SPATA6L: variants seen among roughly 807,000 people sequenced by gnomAD.
SPATA6L encodes the protein spermatogenesis associated 6-like protein.
SPATA6L carries 68 observed loss-of-function variants against 49.2 expected under a neutral mutation model. The ratio of observed to expected loss-of-function variants is 1.38; its 90% CI spans 1.14 to 1.69. The LOEUF (loss-of-function observed/expected upper bound fraction) is 1.69. Among genes scored for constraint, SPATA6L ranks in the 40% most tolerant of loss-of-function variants. The pLI, the probability that SPATA6L is intolerant of heterozygous loss-of-function variation, is 0.00. For synonymous variants in SPATA6L, 198 were observed against 165.7 expected (o/e 1.19, Z -1.50); for missense variants, 668 against 464.3 (o/e 1.44, Z -4.03).
At chr9:4,663,151 C>T in intron 1 of SPATA6L, 1 of 1,614,146 alleles carries the variant, frequency 6.2e-7, no homozygotes, top group Non-Finnish European at 8.5e-7. Flanking sequence ...CACAATGTCA[C>T]CGACGTAGCT....
chr9:4,634,862 G>A (rs1832454590), intron 4 of SPATA6L, among the ~76,000 whole-genome samples: 2 of 152,146 alleles, frequency 1.3e-5, no homozygotes, highest in Admixed American at 1.3e-4. Flanking sequence ...TTTGTTAAAT[G>A]GAGACCATAT....
rs553547149 is a variant in SPATA6L at position 4,605,308 on chromosome 9, T to C, written c.1089+39A>G. On this transcript the variant is annotated intron_variant, in intron 10 of 11. Transcript: ENST00000682582. ...ACTGTAGGTCCCTGTTCACATATTA[T>C]TTAGTGAGCAAAGATCTAGTTTTAT... The C allele has an allele frequency of 4.8e-6, 7 of 1,473,616 alleles. No homozygotes were observed. In the Admixed American group the frequency reaches 1.2e-4, roughly 25 times the overall value. 91.3% of individuals were successfully genotyped at this position (1,473,616 alleles called of 1,614,324 possible).
chr9:4,635,459 T>C (rs560851489), intron 3 of SPATA6L, 60 bp from the exon 4 acceptor site: 5 of 1,513,804 alleles, frequency 3.3e-6, no homozygotes, highest in South Asian at 2.7e-5. Context: ...CTTAACAAAA[T>C]AAAAGTTCAG....
At chr9:4,644,118 G>T (rs926233206) in intron 3 of SPATA6L, among the ~76,000 whole-genome samples, 9 of 140,358 alleles carry the variant, frequency 6.4e-5, no homozygotes, top group African/African-American at 2.3e-4. Flanking sequence ...TGGCCAAGGT[G>T]GGAGAATCAC....
In SPATA6L at chr9:4,599,670, T is replaced by G. The variant is rs1043574483; in HGVS notation, c.*1141A>C. ...TGGGTCAGAGATGGCGCCTTCTCGC[T>G]GTCTCCTCGCCAGTGGAAGGGGCAA... On this transcript the variant is annotated 3_prime_UTR_variant, in exon 12 of 12. Transcript: ENST00000682582. 6.6e-6 allele frequency among the ~76,000 whole-genome samples: 1 copy of G among 152,240 alleles called. No homozygotes were observed. Among genetic ancestry groups the G allele is most frequent in the Admixed American group, 6.5e-5 (1 of 15,286 alleles).
chr9:4,624,977 A>T (rs1441521740), intron 6 of SPATA6L, among the ~76,000 whole-genome samples: 2 of 152,182 alleles, frequency 1.3e-5, no homozygotes, highest in Admixed American at 1.3e-4. Flanking sequence ...ATTGATATAG[A>T]GTGTGTGCCA....
At chr9:4,609,107 ATC>A (rs1460203238) in intron 9 of SPATA6L, among the ~76,000 whole-genome samples, 3 of 151,432 alleles carry the variant, frequency 2.0e-5, no homozygotes, top group Admixed American at 2.0e-4. Flanking sequence ...AAGAAGTTGA[ATC>A]TCTGAATAGA....
At chr9:4,642,502 C>G (rs907150084) in intron 3 of SPATA6L, among the ~76,000 whole-genome samples, 1 of 152,156 alleles carries the variant, frequency 6.6e-6, no homozygotes, top group African/African-American at 2.4e-5. Flanking sequence ...CTGTCTCCAG[C>G]GGCAGCCTTT....
In SPATA6L at chr9:4,661,943, A is replaced by G. The variant is rs756083304; in HGVS notation, c.133T>C (p.Ser45Pro). ...TCCTGAATCATAATGGGGAACGCAG[A>G]GGGAAAGCTGTTGGTCTCCAGGTAC... Reference protein sequence around the residue: ...NQYLETNSFPSAFPIMIQESM... With the variant: ...NQYLETNSFPPAFPIMIQESM... Residue 45 changes from serine to proline, a missense_variant, in exon 2 of 12, where the codon TCT becomes CCT. Transcript: ENST00000682582. 15 of 1,613,936 alleles carry G rather than the reference A, an allele frequency of 9.3e-6. No individual in the cohort carries two copies. In the African/African-American group the frequency reaches 2.0e-4, roughly 22 times the overall value.
chr9:4,643,004 T>A (rs934718504), intron 3 of SPATA6L, among the ~76,000 whole-genome samples: 4 of 152,144 alleles, frequency 2.6e-5, no homozygotes, highest in African/African-American at 9.7e-5. Flanking sequence ...GGATAAAATA[T>A]ATTTTTATCT....
chr9:4,603,460 T>C (rs1260333208), intron 11 of SPATA6L, among the ~76,000 whole-genome samples: 2 of 152,158 alleles, frequency 1.3e-5, no homozygotes, highest in African/African-American at 4.8e-5. Flanking sequence ...CCCTCTTTAC[T>C]GAGCAGCAAC....
intron 2 of SPATA6L, among the ~76,000 whole-genome samples, chr9:4,661,145 T>C (rs192160630): frequency 6.6e-6 from 1 of 152,146 alleles, no homozygotes; most frequent in African/African-American, 2.4e-5. Context: ...ATAATTTTTT[T>C]AAAAAAATGT....
chr9:4,650,823 C>CTT (rs1376572460), intron 3 of SPATA6L, among the ~76,000 whole-genome samples: 4 of 131,388 alleles, frequency 3.0e-5, no homozygotes, highest in Non-Finnish European at 3.2e-5. Context: ...CCAAACCCAG[C>CTT]TTGTGTGTGT....
chr9:4,603,617 G>A (rs530480652), intron 11 of SPATA6L, among the ~76,000 whole-genome samples: 2 of 152,210 alleles, frequency 1.3e-5, no homozygotes, highest in East Asian at 3.9e-4. Context: ...ATAAAGCAGT[G>A]AACAACAGAG....
At chr9:4,649,720 C>T (rs753099450) in intron 3 of SPATA6L, among the ~76,000 whole-genome samples, 16 of 152,266 alleles carry the variant, frequency 1.1e-4, no homozygotes, top group Middle Eastern at 6.8e-3. Flanking sequence ...AATGGCATCA[C>T]GTAATTCATA....
chr9:4,632,219 T>C (rs913018892), intron 4 of SPATA6L, among the ~76,000 whole-genome samples: 5 of 151,444 alleles, frequency 3.3e-5, no homozygotes, highest in Non-Finnish European at 5.9e-5. Context: ...GAGGTTTCAC[T>C]GTGCTGGCCA....
At chr9:4,649,951 A>G (rs1836418912) in intron 3 of SPATA6L, among the ~76,000 whole-genome samples, 1 of 152,200 alleles carries the variant, frequency 6.6e-6, no homozygotes, top group African/African-American at 2.4e-5. Flanking sequence ...CATCTCAGAG[A>G]GATGTTTCAC....
intron 9 of SPATA6L, among the ~76,000 whole-genome samples, chr9:4,616,830 C>T (rs1828131876): frequency 1.3e-5 from 2 of 152,132 alleles, no homozygotes; most frequent in South Asian, 4.1e-4. Flanking sequence ...GGTGATCCAC[C>T]CACCTTGGCC....
At chr9:4,657,042 T>G (rs1485643966) in intron 2 of SPATA6L, among the ~76,000 whole-genome samples, 1 of 152,202 alleles carries the variant, frequency 6.6e-6, no homozygotes, top group Admixed American at 6.5e-5. Flanking sequence ...GTCTAGCCAT[T>G]GCCAAATCTT....
Sources: gnomAD v4.1 joint callset for allele counts (sites outside exome capture counted in the v4.1 genomes callset) on GRCh38, gnomAD v4.1.1 for gene constraint, MANE v1.5 for transcripts, NCBI Gene and HGNC (gene_info 2026-07-23, HGNC 2026-07-21) for gene names.